The following MACROD1 variants were observed in gnomAD, a reference collection of about 807,000 sequenced individuals.
MACROD1 encodes the protein mono-ADP ribosylhydrolase 1, also known as ADP-ribose glycohydrolase MACROD1.
A neutral mutation model predicts 41.4 loss-of-function variants in MACROD1; 31 were observed. The observed-to-expected ratio is 0.75, with a 90% CI of 0.56 to 1.01. The LOEUF is 1.01. Among genes scored for constraint, MACROD1 ranks in the 50% least tolerant of loss-of-function variants. MACROD1 has a pLI of 0.00. For synonymous variants in MACROD1, 252 were observed against 203.4 expected (o/e 1.24, Z -2.03); for missense variants, 473 against 460.0 (o/e 1.03, Z -0.26).
chr11:64,086,780 G>T (rs975984090), intron 3 of MACROD1: 11 of 152,394 alleles, frequency 7.2e-5, no homozygotes, highest in African/African-American at 2.4e-4. Flanking sequence ...AGCAGCTGTG[G>T]AGCTGGACGT....
chr11:64,118,381 CA>C, intron 3 of MACROD1: 1 of 1,404,040 alleles, frequency 7.1e-7, no homozygotes, highest in Non-Finnish European at 9.4e-7. Flanking sequence ...TCCAAGAGAG[CA>C]AGGAAGAGAA....
chr11:64,043,233 T>C (rs1413234328), intron 3 of MACROD1, among the ~76,000 whole-genome samples: 1 of 152,178 alleles, frequency 6.6e-6, no homozygotes, highest in Non-Finnish European at 1.5e-5. Context: ...CTTTGGATCA[T>C]TGGACAGGCC....
intron 3 of MACROD1, among the ~76,000 whole-genome samples, chr11:64,129,341 C>T (rs944100139): frequency 1.3e-5 from 2 of 152,240 alleles, no homozygotes; most frequent in African/African-American, 4.8e-5. Context: ...ACAGCTCCAT[C>T]CCCGACTGCT....
At chr11:64,111,423 A>G (rs570096061) in intron 3 of MACROD1, among the ~76,000 whole-genome samples, 1 of 152,276 alleles carries the variant, frequency 6.6e-6, no homozygotes, top group South Asian at 2.1e-4. Flanking sequence ...TCCTGTCTCT[A>G]GCATTGCCCT....
rs529519228 is a variant in MACROD1, at chr11:64,082,481, G to A, written c.518-67200C>T. Among the ~76,000 whole-genome samples, 1 of 152,170 alleles carries A rather than the reference G, an allele frequency of 6.6e-6. No homozygotes were observed. Among genetic ancestry groups the A allele is most frequent in the East Asian group, 1.9e-4 (1 of 5,150 alleles). On this transcript the variant is annotated intron_variant, in intron 3 of 10. Transcript: ENST00000255681. This position sits in a 1 kb window ranked among gnomAD's most constrained non-coding sequence, Gnocchi z 4.5. ...GCTGAGGGACTGAGGGCCAGGCTGG[G>A]GCCAAGAGCTGGTCCCAGGGGGTGA...
chr11:64,040,971 G>A (rs370239524), intron 3 of MACROD1, among the ~76,000 whole-genome samples: 43 of 152,162 alleles, frequency 2.8e-4, no homozygotes, highest in African/African-American at 9.2e-4. Context: ...ATGGGCAGAC[G>A]GGGTCTATTG....
chr11:64,117,119 C>A, intron 3 of MACROD1: 1 of 1,610,598 alleles, frequency 6.2e-7, no homozygotes, highest in Non-Finnish European at 8.5e-7. Context: ...CCATCAGCCA[C>A]ATCCCCTACA....
chr11:64,100,670 C>T (rs984902015), intron 3 of MACROD1, among the ~76,000 whole-genome samples: 2 of 152,194 alleles, frequency 1.3e-5, no homozygotes, highest in African/African-American at 4.8e-5. Flanking sequence ...ATTATGCGCC[C>T]ACACAAGGGA....
chr11:64,161,620 T>G (rs939818392), intron 1 of MACROD1, among the ~76,000 whole-genome samples: 1 of 152,184 alleles, frequency 6.6e-6, no homozygotes, highest in Non-Finnish European at 1.5e-5. Context: ...CCCCCAGATC[T>G]CCCATAATGT....
At chr11:64,008,221 G>A (rs1166635018) in intron 4 of MACROD1, among the ~76,000 whole-genome samples, 3 of 152,210 alleles carry the variant, frequency 2.0e-5, no homozygotes, top group Admixed American at 2.0e-4. Flanking sequence ...AGCGTGGAGG[G>A]AGAAATGGAG....
chr11:64,130,221 G>A (rs116801730), intron 3 of MACROD1, among the ~76,000 whole-genome samples: 25 of 152,206 alleles, frequency 1.6e-4, no homozygotes, highest in African/African-American at 1.4e-4. Flanking sequence ...TAAGACCCCC[G>A]AATGGCTGCC....
chr11:64,025,526 G>T (rs890491417), intron 3 of MACROD1, among the ~76,000 whole-genome samples: 1 of 152,144 alleles, frequency 6.6e-6, no homozygotes, highest in African/African-American at 2.4e-5. Context: ...CCCTGCAGAG[G>T]TGTCCACTAT....
chr11:64,013,555 C>A (rs1943043025), intron 4 of MACROD1, among the ~76,000 whole-genome samples: 1 of 152,160 alleles, frequency 6.6e-6, no homozygotes, highest in African/African-American at 2.4e-5. Flanking sequence ...GGGGACCTAA[C>A]GGGCCATGCT....
chr11:64,126,295 G>A (rs1234322910), intron 3 of MACROD1, among the ~76,000 whole-genome samples: 1 of 152,174 alleles, frequency 6.6e-6, no homozygotes, highest in Non-Finnish European at 1.5e-5. Flanking sequence ...TGGGGAGGAA[G>A]CCACACGGCC....
intron 3 of MACROD1, among the ~76,000 whole-genome samples, chr11:64,065,703 C>T (rs1001478462): frequency 1.3e-5 from 2 of 148,148 alleles, no homozygotes; most frequent in Admixed American, 6.8e-5. Context: ...GGCAGGAGAA[C>T]GGTGTGAACC....
intron 3 of MACROD1, among the ~76,000 whole-genome samples, chr11:64,092,984 A>T (rs1174355874): frequency 6.6e-6 from 1 of 152,216 alleles, no homozygotes; most frequent in African/African-American, 2.4e-5. Flanking sequence ...TGCAGCCTCC[A>T]GCCAACCTTT....
Position 64,152,274 on chromosome 11 carries a change from C to T in MACROD1, c.400+18G>A, listed in dbSNP as rs1338529758. On this transcript the variant is annotated intron_variant, in intron 2 of 10. Transcript: ENST00000255681. The stretch of plus-strand genomic sequence containing the variant: ...GTCTGGAGCCTGCCCACCAGGGCCT[C>T]CCCCGAGCAGGGCCTACCTTTCGCC... The T allele has an allele frequency of 1.2e-6, 2 of 1,611,988 alleles. No homozygotes were observed. The highest frequency in any genetic ancestry group is 1.7e-5 in the Admixed American group (1 of 60,028).
intron 3 of MACROD1, among the ~76,000 whole-genome samples, chr11:64,029,167 T>C (rs1034600662): frequency 6.6e-6 from 1 of 152,026 alleles, no homozygotes. Flanking sequence ...AGGTGGGGAG[T>C]GGCCACCTGC....
intron 1 of MACROD1, among the ~76,000 whole-genome samples, chr11:64,159,320 G>GAAAAA (rs34061690): frequency 5.8e-5 from 6 of 104,018 alleles, no homozygotes; most frequent in African/African-American, 2.3e-4. Context: ...CTCCGTCTCA[G>GAAAAA]AAAAAAAAAA....
Sources: allele counts gnomAD v4.1 joint callset (sites outside exome capture counted in the v4.1 genomes callset), GRCh38; gene constraint gnomAD v4.1.1; non-coding constraint Gnocchi (gnomAD v3.1); transcripts MANE v1.5; gene names NCBI Gene and HGNC (gene_info 2026-07-23, HGNC 2026-07-21).